The following PLXNB2 variants were observed in gnomAD, a reference collection of about 807,000 sequenced individuals.
PLXNB2 encodes the protein plexin-B2.
PLXNB2 carries 85 observed loss-of-function variants against 202.6 expected under a neutral mutation model. The observed-to-expected ratio is 0.42, with a 90% CI of 0.35 to 0.50. The LOEUF (loss-of-function observed/expected upper bound fraction) is 0.50, where lower values mean the gene tolerates loss of function less well. PLXNB2 is among the 20% of genes least tolerant of loss of function. The pLI is 0.02. For synonymous variants in PLXNB2, 1,239 were observed against 1,137.6 expected (o/e 1.09, Z -1.79); for missense variants, 2,063 against 2,586.2 (o/e 0.80, Z 4.39).
At chr22:50,299,955 A>C (rs2067569243) in intron 1 of PLXNB2, among the ~76,000 whole-genome samples, 1 of 152,090 alleles carries the variant, frequency 6.6e-6, no homozygotes, top group African/African-American at 2.4e-5. Context: ...GAGGGCGCAG[A>C]ACGGTTGCCC....
At chr22:50,298,436 A>G (rs1601766800) in intron 1 of PLXNB2, among the ~76,000 whole-genome samples, 1 of 143,600 alleles carries the variant, frequency 7.0e-6, no homozygotes, top group Non-Finnish European at 1.5e-5. Context: ...CGCCCCTCCC[A>G]CTGGGTAAAG....
At position 50,284,660 on chromosome 22, in the gene PLXNB2, G is replaced by C; in HGVS notation, c.2094C>G (p.Ser698=). 2 of 1,610,650 alleles carry C rather than the reference G, an allele frequency of 1.2e-6. No individual in the cohort carries two copies. Among genetic ancestry groups the C allele is most frequent in the African/African-American group, 1.3e-5 (1 of 74,944 alleles). Residue 698 remains serine (S), a synonymous_variant, in exon 12 of 37, where the codon TCC becomes TCG. Transcript: ENST00000359337. This position sits in a 1 kb window ranked among gnomAD's most constrained non-coding sequence, Gnocchi z 8.0. The part of the protein sequence containing the change: ...QGKNLDTVKG[S]SLHVGSDLLK... ...GCAAGTCACTGCCCACGTGCAGGGA[G>C]GAACCCTGCAGACCATGCCGTCAGG...
intron 1 of PLXNB2, among the ~76,000 whole-genome samples, chr22:50,301,638 G>A (rs939097284): frequency 8.6e-5 from 13 of 151,936 alleles, no homozygotes; most frequent in South Asian, 4.2e-4. Context: ...CGCAGCAGCC[G>A]GCTGCTCAGA....
chr22:50,282,468 T>C, intron 18 of PLXNB2, 155 bp from the exon 19 acceptor site: 1 of 808,372 alleles, frequency 1.2e-6, no homozygotes, highest in Non-Finnish European at 1.9e-6. Context: ...TGGGACGTGC[T>C]GAGCACGAGA....
rs954219721 is a variant in PLXNB2 at position 50,289,982 on chromosome 22, C to T, written c.603G>A (p.Thr201=). 26 of 1,613,348 alleles carry T rather than the reference C, an allele frequency of 1.6e-5. No individual in the cohort carries two copies. Among genetic ancestry groups the T allele is most frequent in the Admixed American group, 3.3e-5 (2 of 60,018 alleles). ...AGCCGGCCTTGTAGGTGGCGTGGTC[C>T]GTGTAGGCTTCAAAGGCCTCCCTGC... is the stretch of plus-strand genomic sequence containing the variant. The part of the protein sequence containing the change: ...TDSREAFEAY[T]DHATYKAGYL... Residue 201 remains threonine, a synonymous_variant, in exon 3 of 37, where the codon ACG becomes ACA. Coordinates refer to ENST00000359337, the MANE Select transcript of PLXNB2 (RefSeq NM_012401.4). The surrounding 1 kb of genome is among the most constrained non-coding windows in gnomAD (Gnocchi z 8.0).
At chr22:50,301,490 G>T in intron 1 of PLXNB2, 1 of 664,476 alleles carries the variant, frequency 1.5e-6, no homozygotes, top group Non-Finnish European at 1.9e-6. Flanking sequence ...GGCCACGGAG[G>T]GACTCTCGTG....
At position 50,288,954 on chromosome 22, in the gene PLXNB2, C is replaced by A; in HGVS notation, c.1251+6G>T. 6.2e-7 allele frequency: 1 copy of A among 1,607,262 alleles called. No individual in the cohort carries two copies. The highest frequency in any genetic ancestry group is 8.5e-7 in the Non-Finnish European group (1 of 1,175,382). ...CAGAGCCTCCCCGCCCCAGCCTGGG[C>A]CAAACCTTGAGGATCCGGCCATCAG... On this transcript the variant is annotated splice_donor_region_variant and intron_variant, in intron 4 of 36. Transcript: ENST00000359337. This position sits in a 1 kb window ranked among gnomAD's most constrained non-coding sequence, Gnocchi z 5.0.
At position 50,286,051 on chromosome 22, in the gene PLXNB2, C is replaced by G; in HGVS notation, c.1925G>C (p.Arg642Pro). The G allele has an allele frequency of 6.2e-7, 1 of 1,612,422 alleles. No individual in the cohort carries two copies. Among genetic ancestry groups the G allele is most frequent in the Non-Finnish European group, 8.5e-7 (1 of 1,179,986 alleles). ...SNRWTCQWDL[R>P]YHECREASPN... ...CGAAGCCTCCCGGCACTCGTGGTAG[C>G]GCAGGTCCCACTGGCAGGTCCAGCG... Residue 642 changes from arginine to proline, a missense_variant, in exon 10 of 37, where the codon CGC becomes CCC. By Grantham distance (103) the Arg-to-Pro change is moderately radical (BLOSUM62 -2). Coordinates refer to ENST00000359337, the MANE Select transcript of PLXNB2 (RefSeq NM_012401.4).
intron 8 of PLXNB2, 34 bp from the exon 9 acceptor site, chr22:50,286,321 CG>C: frequency 6.6e-7 from 1 of 1,524,310 alleles, no homozygotes; most frequent in Non-Finnish European, 9.1e-7. Context: ...GTCAAGGTGG[CG>C]GCCGCAGGGC....
intron 1 of PLXNB2, among the ~76,000 whole-genome samples, chr22:50,306,717 T>C (rs927288635): frequency 1.4e-5 from 2 of 147,232 alleles, no homozygotes; most frequent in Non-Finnish European, 3.0e-5. Flanking sequence ...ACCCTCACCC[T>C]CACCCTCACC....
intron 25 of PLXNB2, 51 bp from the exon 26 acceptor site, chr22:50,280,122 GC>G: frequency 1.4e-6 from 2 of 1,448,004 alleles, no homozygotes; most frequent in Non-Finnish European, 1.9e-6. Flanking sequence ...TATTCCTGAG[GC>G]CCAACTGACT....
rs143727112 is a variant in PLXNB2 at position 50,297,403 on chromosome 22, T to C, written c.-73-2625A>G. Among the ~76,000 whole-genome samples the C allele has an allele frequency of 6.6e-6, 1 of 152,248 alleles. No homozygotes were observed. The highest frequency in any genetic ancestry group is 2.4e-5 in the African/African-American group (1 of 41,536). On this transcript the variant is annotated intron_variant, in intron 1 of 36. Coordinates refer to ENST00000359337, the MANE Select transcript of PLXNB2 (RefSeq NM_012401.4). This position sits in a 1 kb window ranked among gnomAD's most constrained non-coding sequence, Gnocchi z 5.3. The stretch of plus-strand genomic sequence containing the variant: ...CTCAGGAAGCCAGAGGCAAGACCCA[T>C]ACTCCACTCTCCTGGAGGAGGCTTT...
rs1430169511 is a variant in PLXNB2 at position 50,282,382 on chromosome 22, C to G, written c.2988-69G>C. On this transcript the variant is annotated intron_variant, in intron 18 of 36. Coordinates refer to ENST00000359337, the MANE Select transcript of PLXNB2 (RefSeq NM_012401.4). ...TCCCTGCAGCCTCCGCCCTCCCGTC[C>G]CCGCCCACCCTGGCCCTGACCACAC... 18 of 1,510,900 alleles carry G rather than the reference C, an allele frequency of 1.2e-5. No individual in the cohort carries two copies. In the Admixed American group the frequency reaches 3.5e-4, roughly 30 times the overall value. The allele number at this position is 1,510,900 out of a possible 1,614,324, so 93.6% of individuals were successfully genotyped here. A position where few individuals can be genotyped will look rare whatever the true frequency, so the allele number is the denominator to read the frequency against.
chr22:50,281,508 G>A lies in PLXNB2; in HGVS notation c.3523-9C>T. 3 of 1,610,762 alleles carry A rather than the reference G, an allele frequency of 1.9e-6. No individual in the cohort carries two copies. Among genetic ancestry groups the A allele is most frequent in the Non-Finnish European group, 2.5e-6 (3 of 1,178,976 alleles). Reference sequence around the variant, plus strand: ...CGAGAGCCGAACTTCACCTGTGTGGGGGGCCGGGTTCAGCGCGGTCCCGTG... The same window carrying A: ...CGAGAGCCGAACTTCACCTGTGTGGAGGGCCGGGTTCAGCGCGGTCCCGTG... On this transcript the variant is annotated splice_polypyrimidine_tract_variant and intron_variant, in intron 21 of 36. Coordinates refer to ENST00000359337, the MANE Select transcript of PLXNB2 (RefSeq NM_012401.4).
chr22:50,283,343 G>A lies in PLXNB2; in HGVS notation c.2673C>T (p.Thr891=). The part of the protein sequence containing the change: ...LGRSPPNVQF[T]FQQPKPLSVE... ...CCCGAGGCCGGGTGCTTACTTGGAA[G>A]GTGAACTGGACATTGGGAGGCGAAC... The change falls in exon 16 of 37, where the codon ACC becomes ACT. Residue 891 remains threonine, a synonymous_variant. Transcript: ENST00000359337. 1 of 1,613,016 alleles carries A rather than the reference G, an allele frequency of 6.2e-7. No individual in the cohort carries two copies. Among genetic ancestry groups the A allele is most frequent in the Non-Finnish European group, 8.5e-7 (1 of 1,179,850 alleles).
intron 1 of PLXNB2, among the ~76,000 whole-genome samples, chr22:50,305,382 G>T (rs572317262): frequency 1.3e-5 from 2 of 152,316 alleles, no homozygotes; most frequent in East Asian, 3.9e-4. Context: ...CATGCAGGCC[G>T]CCGGGCACAC....
At position 50,307,498 on chromosome 22, in the gene PLXNB2, C is replaced by CG. The variant is rs1041678233; in HGVS notation, c.-74+54_-74+55insC. 4.6e-6 allele frequency: 4 copies of CG among 862,116 alleles called. No homozygotes were observed. The African/African-American group carries it at 1.1e-4, about 24-fold the overall frequency. 53.4% of individuals were successfully genotyped at this position (862,116 alleles called of 1,614,324 possible). A position where few individuals can be genotyped will look rare whatever the true frequency, so the allele number is the denominator to read the frequency against. On this transcript the variant is annotated intron_variant, in intron 1 of 36. Transcript: ENST00000359337. ...GGGCGGAGCGGCGCTGACGGCGAAG[C>CG]CCCCCCCACGCCCAGCGAGACGTCC...
Position 50,289,744 on chromosome 22 carries a change from C to A in PLXNB2, c.841G>T (p.Ala281Ser), listed in dbSNP as rs773988692. 1.2e-6 allele frequency: 2 copies of A among 1,612,574 alleles called. No homozygotes were observed. Among genetic ancestry groups the A allele is most frequent in the South Asian group, 2.2e-5 (2 of 91,072 alleles). The change falls in exon 3 of 37, where the codon GCC becomes TCC. Residue 281 changes from alanine to serine, a missense_variant. Ala to Ser is a moderately conservative substitution (Grantham distance 99, BLOSUM62 1). Transcript: ENST00000359337. The surrounding 1 kb of genome is among the most constrained non-coding windows in gnomAD (Gnocchi z 8.0). ...GAGCCAGGCGCAGCCACGGAGGCGGCCAGGCAGGTGCCAAAGGCAGCGGCG... is the reference window on the plus strand; with the variant it reads ...GAGCCAGGCGCAGCCACGGAGGCGGACAGGCAGGTGCCAAAGGCAGCGGCG... ...IHAAAFGTCL[A>S]ASVAAPGSGR...
In PLXNB2 at chr22:50,280,894, G is replaced by GGTGTA; in HGVS notation, c.3838_3842dup (p.Asp1282ThrfsTer17). 6.2e-7 allele frequency: 1 copy of GGTGTA among 1,613,552 alleles called. No individual in the cohort carries two copies. Among genetic ancestry groups the GGTGTA allele is most frequent in the Non-Finnish European group, 8.5e-7 (1 of 1,179,950 alleles). ...TGGAGGGCAGGAAGAAGACGCGGTC[G>GGTGTA]GTGTAGGTCTTGTAGTCCAGCACGG... On this transcript the variant is annotated frameshift_variant, in exon 24 of 37. Coordinates refer to ENST00000359337, the MANE Select transcript of PLXNB2 (RefSeq NM_012401.4). LOFTEE classifies it high-confidence loss of function.
Sources: allele counts gnomAD v4.1 joint callset (sites outside exome capture counted in the v4.1 genomes callset), GRCh38; gene constraint gnomAD v4.1.1; non-coding constraint Gnocchi (gnomAD v3.1); transcripts MANE v1.5; gene names NCBI Gene and HGNC (gene_info 2026-07-23, HGNC 2026-07-21).